Variants in ARHGEF3 observed in about 807,000 individuals in gnomAD.
ARHGEF3 encodes 59.8 kDA protein.
A neutral mutation model predicts 63.2 loss-of-function variants in ARHGEF3; 28 were observed. The ratio of observed to expected loss-of-function variants is 0.44; its 90% CI spans 0.33 to 0.61. ARHGEF3 has a LOEUF of 0.61. ARHGEF3 is among the 20% of genes least tolerant of loss of function. The pLI is 0.03. For synonymous variants in ARHGEF3, 266 were observed against 254.2 expected, an observed-to-expected ratio of 1.05 and a Z score of -0.44; for missense variants, 533 against 659.3, an observed-to-expected ratio of 0.81 and a Z score of 2.10.
chr3:56,853,158 C>CA lies in ARHGEF3; in HGVS notation c.192+29133dup, dbSNP rs984842113. On this transcript the variant is annotated intron_variant, in intron 4 of 12. Transcript: ENST00000338458. ...TCCTGTAGTACCTGAGCATGGGGTA[C>CA]AGAGGTAACAGAACAGAGGACATGC... is the stretch of plus-strand genomic sequence containing the variant. Among the ~76,000 whole-genome samples, 22 of 151,222 alleles carry CA rather than the reference C, an allele frequency of 1.5e-4. No homozygotes were observed. In the South Asian group the frequency reaches 2.7e-3, roughly 19 times the overall value.
At chr3:56,779,481 T>A (rs927354281) in intron 1 of ARHGEF3, among the ~76,000 whole-genome samples, 14 of 150,516 alleles carry the variant, frequency 9.3e-5, no homozygotes, top group African/African-American at 3.0e-4. Context: ...AAAAAGTTTT[T>A]TTTTATTTTT....
intron 1 of ARHGEF3, among the ~76,000 whole-genome samples, chr3:57,061,135 G>T: frequency 6.6e-6 from 1 of 152,006 alleles, no homozygotes; most frequent in Non-Finnish European, 1.5e-5. Flanking sequence ...AACTCCTCCT[G>T]CACCTGCCCC....
intron 2 of ARHGEF3, among the ~76,000 whole-genome samples, chr3:57,028,425 A>G (rs1429949982): frequency 1.0e-5 from 1 of 99,774 alleles, no homozygotes; most frequent in Non-Finnish European, 2.0e-5. Context: ...CATCATTCTC[A>G]GTAAACTATC....
At chr3:56,924,876 T>C (rs537680826) in intron 3 of ARHGEF3, among the ~76,000 whole-genome samples, 2 of 152,384 alleles carry the variant, frequency 1.3e-5, no homozygotes, top group Non-Finnish European at 2.9e-5. Flanking sequence ...AGCCTCATGC[T>C]ACCCAGCTCC....
intron 1 of ARHGEF3, among the ~76,000 whole-genome samples, chr3:56,786,188 A>G (rs2036799957): frequency 6.6e-6 from 1 of 152,238 alleles, no homozygotes; most frequent in African/African-American, 2.4e-5. Context: ...GATTATTCAG[A>G]ATGGAAAAAG....
intron 1 of ARHGEF3, chr3:57,075,510 T>C (rs78748681): frequency 0.27 from 26,412 of 99,496 alleles, 2,817 homozygotes; most frequent in Admixed American, 0.46. Context: ...CTTCTTTTTT[T>C]AAGAAAAAAA....
rs972246845 is a variant in ARHGEF3 at position 57,056,823 on chromosome 3, G to A, written c.-27-21647C>T. Reference sequence around the variant, plus strand: ...GTTGATGCACCACAAAAGACTATGGGATTGAAGGGCATTCAGTCAACTGGT... The same window carrying A: ...GTTGATGCACCACAAAAGACTATGGAATTGAAGGGCATTCAGTCAACTGGT... On this transcript the variant is annotated intron_variant, in intron 1 of 12. Coordinates refer to the ARHGEF3 transcript ENST00000338458. Among the ~76,000 whole-genome samples, 4 of 151,998 alleles carry A rather than the reference G, an allele frequency of 2.6e-5. No homozygotes were observed. In the East Asian group the frequency reaches 7.7e-4, roughly 29 times the overall value.
intron 1 of ARHGEF3, chr3:57,079,187 A>C: frequency 2.5e-6 from 1 of 395,322 alleles, no homozygotes; most frequent in Non-Finnish European, 4.5e-6. Flanking sequence ...GGGAGGGTCT[A>C]GCGCGGGAGC....
intron 4 of ARHGEF3, among the ~76,000 whole-genome samples, chr3:56,846,058 G>A (rs1264220896): frequency 6.6e-6 from 1 of 152,134 alleles, no homozygotes; most frequent in African/African-American, 2.4e-5. Context: ...CCCTGAGTCT[G>A]GTAACCCATG....
chr3:57,016,558 A>G (rs138390303), intron 2 of ARHGEF3, among the ~76,000 whole-genome samples: 3 of 152,286 alleles, frequency 2.0e-5, no homozygotes, highest in South Asian at 2.1e-4. Flanking sequence ...AAAAAGAAAA[A>G]AGAATGACAA....
chr3:56,730,207 A>G (rs1054708736), intron 9 of ARHGEF3, among the ~76,000 whole-genome samples: 1 of 152,172 alleles, frequency 6.6e-6, no homozygotes, highest in Non-Finnish European at 1.5e-5. Context: ...TTAACATTAA[A>G]ACATGCCCAT....
intron 2 of ARHGEF3, among the ~76,000 whole-genome samples, chr3:56,759,368 T>G (rs1296137089): frequency 6.6e-6 from 1 of 151,874 alleles, no homozygotes; most frequent in Non-Finnish European, 1.5e-5. Flanking sequence ...TTAGTAGAGA[T>G]GGGGTTTCAC....
At chr3:56,873,407 C>T (rs1490386077) in intron 4 of ARHGEF3, among the ~76,000 whole-genome samples, 2 of 152,022 alleles carry the variant, frequency 1.3e-5, no homozygotes, top group Non-Finnish European at 1.5e-5. Flanking sequence ...TCTGATAGGG[C>T]CCAAGTGTGT....
At chr3:57,058,507 G>A (rs968037506) in intron 1 of ARHGEF3, among the ~76,000 whole-genome samples, 4 of 152,188 alleles carry the variant, frequency 2.6e-5, no homozygotes, top group African/African-American at 9.7e-5. Flanking sequence ...GTGCTGGAGA[G>A]GATGTGGAGA....
At chr3:56,883,585 T>C (rs990128327) in intron 3 of ARHGEF3, among the ~76,000 whole-genome samples, 8 of 152,220 alleles carry the variant, frequency 5.3e-5, no homozygotes, top group Admixed American at 3.3e-4. Flanking sequence ...GAGTGAACCA[T>C]TGAGCCTGGC....
At chr3:56,737,488 G>T in intron 7 of ARHGEF3, 133 bp from the exon 8 acceptor site, 4 of 498,092 alleles carry the variant, frequency 8.0e-6, no homozygotes, top group Non-Finnish European at 1.2e-5. Context: ...GCTACTTTGG[G>T]AAAAGAGAAA....
chr3:56,984,816 G>A (rs928904126), intron 2 of ARHGEF3, among the ~76,000 whole-genome samples: 2 of 152,148 alleles, frequency 1.3e-5, no homozygotes, highest in African/African-American at 4.8e-5. Context: ...CTAGAGAGGG[G>A]AGGAAAAGAA....
chr3:56,762,126 T>C (rs954496771), intron 2 of ARHGEF3, among the ~76,000 whole-genome samples: 1 of 152,008 alleles, frequency 6.6e-6, no homozygotes, highest in African/African-American at 2.4e-5. Flanking sequence ...CCTCCAGACA[T>C]TGCCAAATGT....
At chr3:56,892,801 C>T (rs550259689) in intron 3 of ARHGEF3, among the ~76,000 whole-genome samples, 11 of 152,338 alleles carry the variant, frequency 7.2e-5, no homozygotes, top group African/African-American at 2.6e-4. Context: ...CCTAGAAATG[C>T]TCCTGGTTCT....
Sources: gnomAD v4.1 joint callset for allele counts (sites outside exome capture counted in the v4.1 genomes callset) on GRCh38, gnomAD v4.1.1 for gene constraint, MANE v1.5 for transcripts, NCBI Gene and HGNC (gene_info 2026-07-23, HGNC 2026-07-21) for gene names.